POLH: variants seen among roughly 807,000 people sequenced by gnomAD.
The protein encoded by POLH is DNA polymerase eta transcript.
Under a neutral mutation model 73.6 loss-of-function variants are expected in POLH, and 53 were observed. The observed-to-expected ratio is 0.72, with a 90% CI of 0.58 to 0.91. POLH has a LOEUF of 0.91. Among genes scored for constraint, POLH ranks in the 40% least tolerant of loss-of-function variants. The probability of loss-of-function intolerance (pLI) is 0.00; values close to 1 mark genes in which losing one functional copy is unlikely to be tolerated. For synonymous variants in POLH, 292 were observed against 308.5 expected (o/e 0.95, Z 0.56); for missense variants, 768 against 865.4 (o/e 0.89, Z 1.41).
intron 1 of POLH, among the ~76,000 whole-genome samples, chr6:43,579,694 C>T (rs1763790933): frequency 6.6e-6 from 1 of 152,146 alleles, no homozygotes; most frequent in South Asian, 2.1e-4. Context: ...TGATTGGCAT[C>T]AGAAGTAGGG....
In POLH at chr6:43,577,532, A is replaced by G. The variant is rs115636432; in HGVS notation, c.-5+1092A>G. Among the ~76,000 whole-genome samples the G allele has an allele frequency of 4.9e-3, 746 of 152,296 alleles. 5 individuals carry two copies. The highest frequency in any genetic ancestry group is 0.016 in the African/African-American group (679 of 41,554). On this transcript the variant is annotated intron_variant, in intron 1 of 10. Coordinates refer to ENST00000372236, the MANE Select transcript of POLH (RefSeq NM_006502.3). Reference sequence around the variant, plus strand: ...TTTTAGGCGTGGTCGATTGGAATTTATAAGGAATTAATGCTTTGACTGCTC... The same window carrying G: ...TTTTAGGCGTGGTCGATTGGAATTTGTAAGGAATTAATGCTTTGACTGCTC...
intron 9 of POLH, among the ~76,000 whole-genome samples, chr6:43,606,642 T>G (rs1342679154): frequency 6.6e-6 from 1 of 152,136 alleles, no homozygotes; most frequent in African/African-American, 2.4e-5. Context: ...TTGGCTGGGC[T>G]GATCTCGAAC....
In POLH at chr6:43,615,937, G is replaced by A. The variant is rs1380819071; in HGVS notation, c.*1380G>A. The stretch of plus-strand genomic sequence containing the variant: ...CCGCCTGCCTCGACCTCCCAAAGTT[G>A]CTGGGATTACAGATGTTAGCCACCG... On this transcript the variant is annotated 3_prime_UTR_variant, in exon 11 of 11. Transcript: ENST00000372236. Among the ~76,000 whole-genome samples the A allele has an allele frequency of 2.0e-5, 3 of 152,058 alleles. No individual in the cohort carries two copies. The highest frequency in any genetic ancestry group is 4.0e-4 in the East Asian group (2 of 5,062).
intron 4 of POLH, among the ~76,000 whole-genome samples, chr6:43,589,408 A>G (rs1298549792): frequency 1.3e-5 from 2 of 152,166 alleles, no homozygotes; most frequent in African/African-American, 4.8e-5. Flanking sequence ...TAATGTTTAA[A>G]AATATTTGCC....
intron 4 of POLH, among the ~76,000 whole-genome samples, chr6:43,592,340 A>G (rs1030068954): frequency 1.3e-5 from 2 of 151,882 alleles, no homozygotes; most frequent in African/African-American, 4.8e-5. Flanking sequence ...CAACTTTTCC[A>G]TCTTGCCTCC....
chr6:43,589,960 TTATC>T (rs1168013570), intron 4 of POLH, among the ~76,000 whole-genome samples: 4 of 152,194 alleles, frequency 2.6e-5, no homozygotes, highest in Non-Finnish European at 5.9e-5. Flanking sequence ...TTTATTTACT[TTATC>T]TAAAAAAAAT....
chr6:43,605,988 T>C (rs1194142033), intron 9 of POLH, among the ~76,000 whole-genome samples: 1 of 152,074 alleles, frequency 6.6e-6, no homozygotes, highest in Non-Finnish European at 1.5e-5. Context: ...CCTCCCAAAG[T>C]GTTGGGATTA....
chr6:43,581,522 C>T (rs1049084535), intron 1 of POLH, among the ~76,000 whole-genome samples: 1 of 150,138 alleles, frequency 6.7e-6, no homozygotes, highest in African/African-American at 2.5e-5. Context: ...AATCTCGGCA[C>T]TTTGGGAGGC....
chr6:43,601,562 A>G (rs1013855077), intron 6 of POLH, among the ~76,000 whole-genome samples: 1 of 151,862 alleles, frequency 6.6e-6, no homozygotes, highest in Admixed American at 6.6e-5. Flanking sequence ...CACTGCGTCC[A>G]GCCACGCTGA....
At chr6:43,582,483 T>C in intron 2 of POLH, 27 bp downstream of exon 2, 1 of 1,607,900 alleles carries the variant, frequency 6.2e-7, no homozygotes, top group Non-Finnish European at 8.5e-7. Context: ...TTGTCACAAC[T>C]ATTCAATGGT....
chr6:43,607,930 A>G (rs2127810944), intron 9 of POLH, among the ~76,000 whole-genome samples: 1 of 152,284 alleles, frequency 6.6e-6, no homozygotes, highest in East Asian at 1.9e-4. Context: ...CAGGAGTTCG[A>G]GGGTAGCCTG....
intron 4 of POLH, among the ~76,000 whole-genome samples, chr6:43,593,836 C>T (rs771942615): frequency 2.1e-5 from 3 of 146,134 alleles, no homozygotes; most frequent in Non-Finnish European, 4.5e-5. Context: ...GCTGAGATTG[C>T]GCCACTGTAC....
intron 2 of POLH, among the ~76,000 whole-genome samples, 172 bp downstream of exon 2, chr6:43,582,628 T>C (rs1351787571): frequency 6.6e-6 from 1 of 152,108 alleles, no homozygotes; most frequent in East Asian, 1.9e-4. Flanking sequence ...GCTCAAGTGA[T>C]CATCCCTCTT....
Position 43,581,200 on chromosome 6 carries a change from C to T in POLH, c.-4-1116C>T, listed in dbSNP as rs1244663857. 2.7e-5 allele frequency among the ~76,000 whole-genome samples: 4 copies of T among 150,574 alleles called. No individual in the cohort carries two copies. In the East Asian group the frequency reaches 8.0e-4, roughly 30 times the overall value. On this transcript the variant is annotated intron_variant, in intron 1 of 10. Transcript: ENST00000372236. ...GACGGGGCAGCCGGGCAGAGACGCT[C>T]CTCACCTCCCAGACGGGGTCTCGGC...
At chr6:43,610,153 C>G (rs568386930) in intron 9 of POLH, among the ~76,000 whole-genome samples, 3 of 150,938 alleles carry the variant, frequency 2.0e-5, no homozygotes, top group African/African-American at 7.3e-5. Context: ...CCTCTGCCTC[C>G]CAGGTTCAAG....
chr6:43,597,243 G>A (rs1398174945), intron 4 of POLH, among the ~76,000 whole-genome samples: 4 of 152,156 alleles, frequency 2.6e-5, no homozygotes, highest in African/African-American at 9.7e-5. Flanking sequence ...AGCCTCCTGA[G>A]TAGCTGTGGT....
Position 43,620,346 on chromosome 6 carries a change from G to C in POLH, c.*5789G>C, listed in dbSNP as rs1768632764. ...TGGAACTCTGAACCTATGTGGAGGA[G>C]AGAAAAACAATGGTGAACGAGATAC... On this transcript the variant is annotated 3_prime_UTR_variant, in exon 11 of 11. Transcript: ENST00000372236. 2.0e-6 allele frequency: 1 copy of C among 508,268 alleles called. No individual in the cohort carries two copies. The highest frequency in any genetic ancestry group is 3.9e-6 in the Non-Finnish European group (1 of 257,476). The allele number at this position is 508,268 out of a possible 1,614,324, so 31.5% of individuals were successfully genotyped here.
At chr6:43,576,474 G>C (rs1260219508) in intron 1 of POLH, 34 bp downstream of exon 1, 1 of 152,224 alleles carries the variant, frequency 6.6e-6, no homozygotes, top group African/African-American at 2.4e-5. Flanking sequence ...CTGTCACTGT[G>C]TTCAGACTTT....
At chr6:43,604,151 T>G in intron 7 of POLH, 140 bp downstream of exon 7, 1 of 774,356 alleles carries the variant, frequency 1.3e-6, no homozygotes, top group African/African-American at 1.7e-5. Context: ...TTCTTCTTGC[T>G]TCAATATCTT....
Sources: gnomAD v4.1 joint callset for allele counts (sites outside exome capture counted in the v4.1 genomes callset) on GRCh38, gnomAD v4.1.1 for gene constraint, MANE v1.5 for transcripts, NCBI Gene and HGNC (gene_info 2026-07-23, HGNC 2026-07-21) for gene names.